The following CNTNAP2 variants were observed in gnomAD, a reference collection of about 807,000 sequenced individuals.
CNTNAP2 encodes the protein contactin associated protein 2, also known as contactin-associated protein-like 2.
In CNTNAP2, 98 loss-of-function variants were observed where a neutral mutation model predicts 155.2. The ratio of observed to expected loss-of-function variants is 0.63; its 90% confidence interval spans 0.54 to 0.75. CNTNAP2 has a LOEUF of 0.75. CNTNAP2 is among the 30% of genes least tolerant of loss of function. The probability of loss-of-function intolerance (pLI) is 0.00; values close to 1 mark genes in which losing one functional copy is unlikely to be tolerated. For missense variants in CNTNAP2, 1,727 were observed against 1,688.1 expected (o/e 1.02, Z -0.40); for synonymous variants, 651 against 631.2 (o/e 1.03, Z -0.47).
chr7:147,296,066 C>A (rs1805436437), intron 8 of CNTNAP2, among the ~76,000 whole-genome samples: 1 of 152,252 alleles, frequency 6.6e-6, no homozygotes, highest in East Asian at 1.9e-4. Context: ...GTGGAATTCT[C>A]TGAAAGGCTT....
At chr7:148,189,463 C>A (rs1795169739) in intron 18 of CNTNAP2, among the ~76,000 whole-genome samples, 1 of 152,138 alleles carries the variant, frequency 6.6e-6, no homozygotes, top group African/African-American at 2.4e-5. Context: ...GAACCGACTC[C>A]TGCAATTACT....
At chr7:146,722,054 GT>G (rs1018047029) in intron 1 of CNTNAP2, among the ~76,000 whole-genome samples, 1 of 149,856 alleles carries the variant, frequency 6.7e-6, no homozygotes, top group East Asian at 2.0e-4. Context: ...TGCCTGGCTA[GT>G]TTTTTTGTAT....
intron 13 of CNTNAP2, among the ~76,000 whole-genome samples, chr7:147,772,284 C>T (rs886452244): frequency 2.0e-5 from 3 of 150,818 alleles, no homozygotes; most frequent in Non-Finnish European, 3.0e-5. Flanking sequence ...ACCAGCCTGG[C>T]ATGGCGCCTG....
At chr7:146,330,451 G>T (rs1000434103) in intron 1 of CNTNAP2, among the ~76,000 whole-genome samples, 1 of 152,274 alleles carries the variant, frequency 6.6e-6, no homozygotes, top group African/African-American at 2.4e-5. Context: ...TTCTCACAGA[G>T]CACACAATCA....
Position 147,128,750 on chromosome 7 carries a change from T to G in CNTNAP2, c.997T>G (p.Phe333Val). 2 of 1,614,108 alleles carry G rather than the reference T, an allele frequency of 1.2e-6. No individual in the cohort carries two copies. The highest frequency in any genetic ancestry group is 1.7e-6 in the Non-Finnish European group (2 of 1,179,976). ...GKPSSSSRKN[F>V]KGCMESINYN... ...GCCCAGCTCCAGCAGTAGAAAGAATTTCAAAGGCTGCATGGAAAGCATCAA... is the reference window on the plus strand; with the variant it reads ...GCCCAGCTCCAGCAGTAGAAAGAATGTCAAAGGCTGCATGGAAAGCATCAA... The change falls in exon 7 of 24, where the codon TTC (phenylalanine) becomes GTC (valine). Residue 333 changes from phenylalanine to valine, a missense_variant. By Grantham distance (50) the Phe-to-Val change is conservative. Transcript: ENST00000361727.
At chr7:146,913,513 C>G (rs771487323) in intron 3 of CNTNAP2, among the ~76,000 whole-genome samples, 1 of 152,060 alleles carries the variant, frequency 6.6e-6, no homozygotes, top group African/African-American at 2.4e-5. Context: ...GCTGAGAAGT[C>G]TAAAACCAGG....
chr7:147,952,593 A>G (rs974980234), intron 14 of CNTNAP2, among the ~76,000 whole-genome samples: 5 of 152,066 alleles, frequency 3.3e-5, no homozygotes, highest in African/African-American at 1.2e-4. Context: ...ACTATCATAG[A>G]TTATTAGCAG....
intron 8 of CNTNAP2, among the ~76,000 whole-genome samples, chr7:147,201,878 T>C (rs1802928987): frequency 6.6e-6 from 1 of 152,032 alleles, no homozygotes; most frequent in Admixed American, 6.6e-5. Context: ...AAGTAATACA[T>C]TAGAAAAGGA....
At chr7:147,531,049 C>A (rs1799422905) in intron 11 of CNTNAP2, among the ~76,000 whole-genome samples, 1 of 152,186 alleles carries the variant, frequency 6.6e-6, no homozygotes, top group African/African-American at 2.4e-5. Flanking sequence ...TCTCCTTTGA[C>A]CCCAGATCTG....
At chr7:147,482,119 C>T (rs1442775236) in intron 10 of CNTNAP2, among the ~76,000 whole-genome samples, 2 of 152,022 alleles carry the variant, frequency 1.3e-5, no homozygotes, top group African/African-American at 4.8e-5. Context: ...AAGATAAAAA[C>T]CCCTAATTGT....
chr7:147,075,162 C>G (rs544788571), intron 4 of CNTNAP2, among the ~76,000 whole-genome samples: 1 of 152,252 alleles, frequency 6.6e-6, no homozygotes, highest in East Asian at 1.9e-4. Flanking sequence ...TAAAAATTCA[C>G]TCATGAATCT....
chr7:146,578,352 T>G (rs903609523), intron 1 of CNTNAP2, among the ~76,000 whole-genome samples: 1 of 152,156 alleles, frequency 6.6e-6, no homozygotes, highest in African/African-American at 2.4e-5. Flanking sequence ...AATATTTAAT[T>G]TCTTATTATA....
At chr7:146,558,260 T>A (rs1187636671) in intron 1 of CNTNAP2, among the ~76,000 whole-genome samples, 2 of 152,112 alleles carry the variant, frequency 1.3e-5, no homozygotes, top group East Asian at 3.9e-4. Flanking sequence ...CCACGTGGTA[T>A]CTTAGCAAGT....
In CNTNAP2 at chr7:147,872,251, A is replaced by G. The variant is rs150952558; in HGVS notation, c.2099-31314A>G. 1.3e-3 allele frequency among the ~76,000 whole-genome samples: 191 copies of G among 152,352 alleles called. 2 individuals carry two copies. The East Asian group carries it at 0.029, about 23-fold the overall frequency. ...CTATTTATCAGTTGAGTGTTAACAT[A>G]TCAGATCCAACTTTGTAATTCTTCT... is the stretch of plus-strand genomic sequence containing the variant. On this transcript the variant is annotated intron_variant, in intron 13 of 23. Transcript: ENST00000361727.
At chr7:148,086,582 C>T (rs1803733419) in intron 15 of CNTNAP2, among the ~76,000 whole-genome samples, 1 of 152,132 alleles carries the variant, frequency 6.6e-6, no homozygotes, top group Non-Finnish European at 1.5e-5. Flanking sequence ...TATAAATGTG[C>T]TAATATAGTG....
At chr7:146,760,578 T>C (rs546262679) in intron 1 of CNTNAP2, among the ~76,000 whole-genome samples, 1 of 151,604 alleles carries the variant, frequency 6.6e-6, no homozygotes, top group African/African-American at 2.4e-5. Context: ...GCACACACCA[T>C]CACGCCTGGC....
intron 13 of CNTNAP2, among the ~76,000 whole-genome samples, chr7:147,889,562 T>TAGCATAAA (rs1799653392): frequency 1.3e-5 from 2 of 152,194 alleles, no homozygotes; most frequent in South Asian, 4.1e-4. Flanking sequence ...TTACTGAAAA[T>TAGCATAAA]ACCTAATGCT....
intron 13 of CNTNAP2, among the ~76,000 whole-genome samples, chr7:147,895,982 T>C (rs1440734299): frequency 6.6e-6 from 1 of 152,264 alleles, no homozygotes; most frequent in African/African-American, 2.4e-5. Context: ...CATTTTGTGC[T>C]GTATTTTAAC....
At chr7:147,870,871 C>G (rs1799315484) in intron 13 of CNTNAP2, among the ~76,000 whole-genome samples, 1 of 152,066 alleles carries the variant, frequency 6.6e-6, no homozygotes, top group Non-Finnish European at 1.5e-5. Flanking sequence ...TGGCTTACCT[C>G]CGTGGTCTGA....
Sources: allele counts gnomAD v4.1 joint callset (sites outside exome capture counted in the v4.1 genomes callset), GRCh38; gene constraint gnomAD v4.1.1; transcripts MANE v1.5; gene names NCBI Gene and HGNC (gene_info 2026-07-23, HGNC 2026-07-21).